The following XIRP2 variants were observed in gnomAD, a reference collection of about 807,000 sequenced individuals.
XIRP2 encodes xin actin binding repeat containing 2, also known as xin actin-binding repeat-containing protein 2.
Under a neutral mutation model 277.0 loss-of-function variants are expected in XIRP2, and 236 were observed. The observed-to-expected ratio is 0.85, with a 90% CI of 0.77 to 0.95. The LOEUF (loss-of-function observed/expected upper bound fraction) is 0.95, where lower values mean the gene tolerates loss of function less well. XIRP2 is among the 40% of genes least tolerant of loss of function. The pLI is 0.00. For missense variants in XIRP2, 4,640 were observed against 4,157.5 expected, an observed-to-expected ratio of 1.12 and a Z score of -3.19; for synonymous variants, 1,490 against 1,416.5, an observed-to-expected ratio of 1.05 and a Z score of -1.17.
intron 2 of XIRP2, among the ~76,000 whole-genome samples, chr2:167,012,390 A>G (rs1391581266): frequency 6.6e-6 from 1 of 151,794 alleles, no homozygotes; most frequent in Non-Finnish European, 1.5e-5. Context: ...ATCAGAATGA[A>G]TCAGACTAGA....
At chr2:167,098,894 G>A (rs1191399470) in intron 2 of XIRP2, among the ~76,000 whole-genome samples, 1 of 152,186 alleles carries the variant, frequency 6.6e-6, no homozygotes, top group Non-Finnish European at 1.5e-5. Flanking sequence ...AGCAAAGAAT[G>A]CTGCCTGTTC....
At chr2:167,142,827 C>T (rs765249327) in intron 3 of XIRP2, among the ~76,000 whole-genome samples, 36 of 151,918 alleles carry the variant, frequency 2.4e-4, no homozygotes, top group Admixed American at 5.2e-4. Context: ...CCTAGCAAGA[C>T]TGAGTTTAAG....
intron 3 of XIRP2, among the ~76,000 whole-genome samples, chr2:167,150,080 G>A (rs1448517651): frequency 1.3e-5 from 2 of 151,812 alleles, no homozygotes; most frequent in Non-Finnish European, 2.9e-5. Context: ...TAACAAAACT[G>A]CACCGGTACC....
chr2:167,102,546 A>G (rs1374900066), intron 2 of XIRP2, among the ~76,000 whole-genome samples: 1 of 152,222 alleles, frequency 6.6e-6, no homozygotes, highest in Non-Finnish European at 1.5e-5. Context: ...ACTATATCTT[A>G]CCCTAGATGT....
intron 2 of XIRP2, among the ~76,000 whole-genome samples, chr2:167,113,855 A>G (rs1284466814): frequency 6.6e-6 from 1 of 152,126 alleles, no homozygotes; most frequent in Non-Finnish European, 1.5e-5. Flanking sequence ...TCCCAACAGC[A>G]TTTGCTTATC....
chr2:167,173,905 G>T (rs146696174), intron 3 of XIRP2, among the ~76,000 whole-genome samples: 5 of 152,070 alleles, frequency 3.3e-5, no homozygotes, highest in Admixed American at 2.6e-4. Flanking sequence ...TTTGCCATTT[G>T]ATATGGTTTG....
chr2:166,918,246 G>A (rs560510166), intron 2 of XIRP2, among the ~76,000 whole-genome samples: 1 of 152,192 alleles, frequency 6.6e-6, no homozygotes, highest in South Asian at 2.1e-4. Flanking sequence ...TGCAGGATGA[G>A]CTTTGGTTTG....
chr2:167,253,986 G>C (rs370471636), intron 9 of XIRP2, 46 bp from the exon 10 acceptor site: 2 of 1,521,260 alleles, frequency 1.3e-6, no homozygotes, highest in Non-Finnish European at 1.8e-6. Context: ...TTTACAATAT[G>C]ATTGAAGATA....
chr2:167,225,761 T>A (rs1159201175), intron 5 of XIRP2, among the ~76,000 whole-genome samples: 1 of 152,302 alleles, frequency 6.6e-6, no homozygotes, highest in African/African-American at 2.4e-5. Context: ...AGTCTTACTC[T>A]GGTAAAAATT....
rs911659272 is a variant in XIRP2, at chr2:167,067,671, C to A, written c.409-68238C>A. Among the ~76,000 whole-genome samples the A allele has an allele frequency of 2.0e-5, 3 of 152,118 alleles. No homozygotes were observed. The East Asian group carries it at 5.8e-4, about 29-fold the overall frequency. ...ATGCAGACGCAGAGATCCAAAGTGA[C>A]CACATGCTCTTGGGAAAATGGAGCT... On this transcript the variant is annotated intron_variant, in intron 2 of 10. Coordinates refer to ENST00000409195, the MANE Select transcript of XIRP2 (RefSeq NM_152381.6).
At chr2:167,152,762 C>T (rs1169778703) in intron 3 of XIRP2, among the ~76,000 whole-genome samples, 1 of 152,020 alleles carries the variant, frequency 6.6e-6, no homozygotes, top group African/African-American at 2.4e-5. Flanking sequence ...GGAACAGAAG[C>T]CCATTGAGAA....
At chr2:166,975,583 T>C (rs1479182106) in intron 2 of XIRP2, among the ~76,000 whole-genome samples, 2 of 152,196 alleles carry the variant, frequency 1.3e-5, no homozygotes, top group Admixed American at 1.3e-4. Context: ...TGGAGTTATA[T>C]GAATGTCCTA....
intron 2 of XIRP2, among the ~76,000 whole-genome samples, chr2:167,120,498 A>G (rs1691026226): frequency 6.6e-6 from 1 of 152,190 alleles, no homozygotes; most frequent in South Asian, 2.1e-4. Flanking sequence ...ATTGTTTTAA[A>G]TAATTATTCG....
intron 2 of XIRP2, among the ~76,000 whole-genome samples, chr2:166,906,433 A>G (rs1262996372): frequency 6.6e-6 from 1 of 152,026 alleles, no homozygotes; most frequent in Non-Finnish European, 1.5e-5. Flanking sequence ...ATTTTAATGT[A>G]TTTTTATATA....
Position 167,243,904 on chromosome 2 carries a change from G to A in XIRP2, c.2512G>A (p.Val838Ile), listed in dbSNP as rs773216000. ...AAAGGAAAAAATAATAGGTACAGAT[G>A]TCTCCAGAAAGTGTTGGATGTTTGA... ...IEKEKIIGTDVSRKCWMFETQ... is the reference protein window; with the variant it reads ...IEKEKIIGTDISRKCWMFETQ... The change falls in exon 9 of 11, where the codon GTC becomes ATC. Residue 838 changes from valine (V) to isoleucine (I), a missense_variant. Val to Ile is a conservative substitution (Grantham distance 29). Coordinates refer to ENST00000409195, the MANE Select transcript of XIRP2 (RefSeq NM_152381.6). The A allele has an allele frequency of 2.5e-6, 4 of 1,614,034 alleles. No homozygotes were observed. The highest frequency in any genetic ancestry group is 2.5e-6 in the Non-Finnish European group (3 of 1,179,952).
chr2:167,083,359 G>A (rs1305392803), intron 2 of XIRP2, among the ~76,000 whole-genome samples: 1 of 152,224 alleles, frequency 6.6e-6, no homozygotes, highest in Admixed American at 6.5e-5. Context: ...TTGTAGTATA[G>A]ATTGAAGTCA....
At chr2:166,934,211 A>AC (rs1291977821) in intron 2 of XIRP2, among the ~76,000 whole-genome samples, 2 of 146,712 alleles carry the variant, frequency 1.4e-5, no homozygotes, top group Admixed American at 1.3e-4. Flanking sequence ...AAAAAAAAAA[A>AC]AAACAAAACT....
intron 2 of XIRP2, among the ~76,000 whole-genome samples, chr2:167,034,938 A>G (rs112131568): frequency 0.087 from 13,183 of 152,162 alleles, 719 homozygotes; most frequent in East Asian, 0.3. Flanking sequence ...AGTCTTTCCC[A>G]TGCTATTCTT....
At chr2:167,080,542 A>G (rs1301158781) in intron 2 of XIRP2, among the ~76,000 whole-genome samples, 1 of 152,228 alleles carries the variant, frequency 6.6e-6, no homozygotes, top group Non-Finnish European at 1.5e-5. Context: ...GGCATGAAGT[A>G]TATTCAATTC....
Sources: gnomAD v4.1 joint callset for allele counts (sites outside exome capture counted in the v4.1 genomes callset) on GRCh38, gnomAD v4.1.1 for gene constraint, MANE v1.5 for transcripts, NCBI Gene and HGNC (gene_info 2026-07-23, HGNC 2026-07-21) for gene names.